TCF4: variants seen among roughly 807,000 people sequenced by gnomAD.
TCF4 encodes transcription factor 4, also known as SL3-3 enhancer factor 2.
TCF4 carries 3 observed loss-of-function variants against 82.1 expected under a neutral mutation model. That is an observed-to-expected ratio of 0.04 (90% confidence interval 0.02 to 0.09). The LOEUF is 0.09. Among genes scored for constraint, TCF4 ranks in the 10% least tolerant of loss-of-function variants. TCF4 has a pLI of 1.00. For missense variants in TCF4, 518 were observed against 852.7 expected, an observed-to-expected ratio of 0.61 and a Z score of 4.89; for synonymous variants, 276 against 309.6, an observed-to-expected ratio of 0.89 and a Z score of 1.14.
intron 2 of TCF4, among the ~76,000 whole-genome samples, chr18:55,607,220 G>A (rs1603625338): frequency 6.6e-6 from 1 of 152,040 alleles, no homozygotes; most frequent in South Asian, 2.1e-4. Flanking sequence ...CCATCTTCTC[G>A]AGGAACCTGT....
chr18:55,550,760 G>A (rs1467449413), intron 3 of TCF4: 2 of 152,054 alleles, frequency 1.3e-5, no homozygotes, highest in Non-Finnish European at 2.9e-5. Flanking sequence ...CATTGATGGT[G>A]ATAAAAAAGG....
At chr18:55,384,958 G>C (rs570260660) in intron 6 of TCF4, among the ~76,000 whole-genome samples, 4 of 152,112 alleles carry the variant, frequency 2.6e-5, no homozygotes, top group Non-Finnish European at 4.4e-5. Flanking sequence ...AATTCACTAA[G>C]AAACTACCCG....
intron 11 of TCF4, chr18:55,269,419 A>G (rs1488083442): frequency 3.5e-6 from 1 of 286,002 alleles, no homozygotes; most frequent in African/African-American, 2.2e-5. Flanking sequence ...AGACAGTGGC[A>G]CATCATGGAT....
chr18:55,456,320 C>T (rs2095752836), intron 5 of TCF4, among the ~76,000 whole-genome samples: 1 of 152,184 alleles, frequency 6.6e-6, no homozygotes. Flanking sequence ...CCCAGCTACC[C>T]TATGGCGGTA....
At chr18:55,528,491 G>C (rs2146655820) in intron 3 of TCF4, among the ~76,000 whole-genome samples, 1 of 152,230 alleles carries the variant, frequency 6.6e-6, no homozygotes, top group Non-Finnish European at 1.5e-5. Flanking sequence ...AATAACAGTT[G>C]TTACATTATT....
At chr18:55,398,323 T>G (rs1487476127) in intron 6 of TCF4, among the ~76,000 whole-genome samples, 1 of 152,206 alleles carries the variant, frequency 6.6e-6, no homozygotes, top group Admixed American at 6.5e-5. Context: ...CTGTGATGTC[T>G]GAAACTGTCA....
intron 3 of TCF4, among the ~76,000 whole-genome samples, chr18:55,577,101 T>C (rs2097534671): frequency 6.8e-6 from 1 of 146,586 alleles, no homozygotes; most frequent in African/African-American, 2.5e-5. Flanking sequence ...CATTTATATA[T>C]TTATATATGT....
intron 1 of TCF4, among the ~76,000 whole-genome samples, chr18:55,631,850 A>G (rs185736551): frequency 6.6e-6 from 1 of 152,324 alleles, no homozygotes; most frequent in Non-Finnish European, 1.5e-5. Context: ...ACAGGCCAGC[A>G]GACTCTGCTC....
chr18:55,366,274 T>C (rs1346900677), intron 6 of TCF4, among the ~76,000 whole-genome samples: 1 of 152,258 alleles, frequency 6.6e-6, no homozygotes, highest in East Asian at 1.9e-4. Context: ...AGCTGTACTT[T>C]GTGACAAAAC....
intron 6 of TCF4, among the ~76,000 whole-genome samples, chr18:55,370,858 G>A (rs1025200199): frequency 6.6e-6 from 1 of 152,216 alleles, no homozygotes; most frequent in African/African-American, 2.4e-5. Context: ...GAGAACAGGA[G>A]AGGGAGAAGG....
At position 55,298,807 on chromosome 18, in the gene TCF4, T is replaced by C. The variant is rs768201086; in HGVS notation, c.550-19151A>G. 7.3e-4 allele frequency among the ~76,000 whole-genome samples: 111 copies of C among 152,136 alleles called. 1 individual carries two copies. Among genetic ancestry groups the C allele is most frequent in the Middle Eastern group, 3.2e-3 (1 of 316 alleles). ...CAAAATAAAATTGTCATCAAGACTG[T>C]TGAAAAAGTGATTATTTAATACACC... is the stretch of plus-strand genomic sequence containing the variant. On this transcript the variant is annotated intron_variant, in intron 8 of 19. Transcript: ENST00000354452.
intron 5 of TCF4, among the ~76,000 whole-genome samples, chr18:55,436,471 C>A (rs1356797728): frequency 6.6e-6 from 1 of 152,188 alleles, no homozygotes; most frequent in Non-Finnish European, 1.5e-5. Context: ...CATACATTTT[C>A]TTTCTGTTTG....
At position 55,264,413 on chromosome 18, in the gene TCF4, T is replaced by C. The variant is rs144989481; in HGVS notation, c.923-2880A>G. 2.6e-4 allele frequency among the ~76,000 whole-genome samples: 40 copies of C among 152,290 alleles called. 2 individuals are homozygous for C. In the South Asian group the frequency reaches 6.8e-3, roughly 26 times the overall value. On this transcript the variant is annotated intron_variant, in intron 11 of 19. Coordinates refer to ENST00000354452, the MANE Select transcript of TCF4 (RefSeq NM_001083962.2). ...TACTGGGGCCAGTTTGCCCTTTCACTTGGAATGCCTTTTGTTCTGGTCCAG... is the reference window on the plus strand; with the variant it reads ...TACTGGGGCCAGTTTGCCCTTTCACCTGGAATGCCTTTTGTTCTGGTCCAG...
intron 1 of TCF4, among the ~76,000 whole-genome samples, chr18:55,587,468 A>G (rs1317312123): frequency 1.3e-5 from 2 of 150,338 alleles, no homozygotes; most frequent in Non-Finnish European, 3.0e-5. Context: ...TCTTCAGCGC[A>G]TCATTTTATG....
At position 55,467,839 on chromosome 18, in the gene TCF4, T is replaced by C. The variant is rs758796678; in HGVS notation, c.146-3702A>G. Reference sequence around the variant, plus strand: ...CTCAAAGAAAGAGTAACAGCTCACATGTGGTGAGCTTGAATGTATGTCAGA... The same window carrying C: ...CTCAAAGAAAGAGTAACAGCTCACACGTGGTGAGCTTGAATGTATGTCAGA... On this transcript the variant is annotated intron_variant, in intron 3 of 19. Transcript: ENST00000354452. Among the ~76,000 whole-genome samples, 8 of 152,300 alleles carry C rather than the reference T, an allele frequency of 5.3e-5. No individual in the cohort carries two copies. The South Asian group carries it at 8.3e-4, about 16-fold the overall frequency.
At chr18:55,378,592 A>G (rs777927432) in intron 6 of TCF4, among the ~76,000 whole-genome samples, 3 of 152,236 alleles carry the variant, frequency 2.0e-5, no homozygotes, top group Non-Finnish European at 2.9e-5. Context: ...AGTGCAGCTA[A>G]GAAGTCTGAT....
intron 8 of TCF4, among the ~76,000 whole-genome samples, chr18:55,297,948 A>C (rs2146836927): frequency 6.6e-6 from 1 of 152,272 alleles, no homozygotes; most frequent in East Asian, 1.9e-4. Context: ...GTCTATCTAA[A>C]TTTGATCATT....
At chr18:55,431,793 T>C (rs1360466790) in intron 5 of TCF4, among the ~76,000 whole-genome samples, 2 of 152,106 alleles carry the variant, frequency 1.3e-5, no homozygotes, top group African/African-American at 4.8e-5. Context: ...GTTTCTTCTA[T>C]TTCAATAAAT....
intron 6 of TCF4, among the ~76,000 whole-genome samples, chr18:55,370,434 T>C (rs1022773326): frequency 7.2e-6 from 1 of 138,828 alleles, no homozygotes; most frequent in Non-Finnish European, 1.6e-5. Context: ...AGATGATAGA[T>C]AGATAGATAG....
Sources: gnomAD v4.1 joint callset for allele counts (sites outside exome capture counted in the v4.1 genomes callset) on GRCh38, gnomAD v4.1.1 for gene constraint, MANE v1.5 for transcripts, NCBI Gene and HGNC (gene_info 2026-07-23, HGNC 2026-07-21) for gene names.